The following CSMD1 variants were observed in gnomAD, a reference collection of about 807,000 sequenced individuals.
CSMD1 encodes CUB and Sushi multiple domains 1, also known as CUB and sushi domain-containing protein 1.
Under a neutral mutation model 417.5 loss-of-function variants are expected in CSMD1, and 213 were observed. The ratio of observed to expected loss-of-function variants is 0.51; its 90% CI spans 0.46 to 0.57. CSMD1 has a LOEUF of 0.57. Ranked by LOEUF, CSMD1 falls within the 20% of genes least tolerant of loss-of-function variation. The pLI is 0.00. For synonymous variants in CSMD1, 2,862 were observed against 1,736.8 expected (o/e 1.65, Z -16.11); for missense variants, 6,923 against 4,529.7 (o/e 1.53, Z -15.17).
intron 23 of CSMD1, among the ~76,000 whole-genome samples, chr8:3,323,714 C>T (rs998390276): frequency 8.6e-5 from 13 of 151,886 alleles, no homozygotes; most frequent in Non-Finnish European, 1.3e-4. Context: ...AAGAGGCCCA[C>T]ATCCAACCCC....
intron 1 of CSMD1, among the ~76,000 whole-genome samples, chr8:4,955,256 T>C (rs1444714233): frequency 1.3e-5 from 2 of 152,186 alleles, no homozygotes; most frequent in African/African-American, 4.8e-5. Context: ...TGAAACACAG[T>C]CATCCTTAAA....
chr8:4,841,782 A>C lies in CSMD1; in HGVS notation c.85+152550T>G, dbSNP rs572171997. Reference sequence around the variant, plus strand: ...AAAAATTAGCTGGGCGTGGTGGCACATGCCTGTAATCCTAGCTACTCGGGA... The same window carrying C: ...AAAAATTAGCTGGGCGTGGTGGCACCTGCCTGTAATCCTAGCTACTCGGGA... On this transcript the variant is annotated intron_variant, in intron 1 of 69. Coordinates refer to ENST00000635120, the MANE Select transcript of CSMD1 (RefSeq NM_033225.6). 5.9e-5 allele frequency among the ~76,000 whole-genome samples: 9 copies of C among 151,918 alleles called. No homozygotes were observed. The East Asian group carries it at 1.7e-3, about 30-fold the overall frequency.
chr8:4,560,676 T>C (rs1949911), intron 2 of CSMD1, among the ~76,000 whole-genome samples: 6,726 of 152,280 alleles, frequency 0.044, 432 homozygotes, highest in African/African-American at 0.15. Flanking sequence ...ACCTTAACTC[T>C]TTACAAGCAA....
chr8:4,061,179 C>T (rs533342063), intron 3 of CSMD1, among the ~76,000 whole-genome samples: 60 of 152,288 alleles, frequency 3.9e-4, no homozygotes, highest in Non-Finnish European at 7.6e-4. Flanking sequence ...AATCCCTCAG[C>T]TGCAGTTCTA....
chr8:4,204,945 C>A (rs1199029225), intron 3 of CSMD1, among the ~76,000 whole-genome samples: 1 of 152,130 alleles, frequency 6.6e-6, no homozygotes, highest in Non-Finnish European at 1.5e-5. Flanking sequence ...CAAATGTGAG[C>A]CACTGAATCT....
chr8:4,466,943 T>C (rs1800208754), intron 2 of CSMD1, among the ~76,000 whole-genome samples: 1 of 151,986 alleles, frequency 6.6e-6, no homozygotes, highest in Admixed American at 6.6e-5. Context: ...GAATTTCCTG[T>C]GAACATTTCT....
intron 3 of CSMD1, among the ~76,000 whole-genome samples, chr8:4,404,048 C>T (rs1466969032): frequency 6.6e-6 from 1 of 152,168 alleles, no homozygotes; most frequent in Non-Finnish European, 1.5e-5. Context: ...CCAGACTTAT[C>T]CAAAAACACT....
chr8:4,342,106 G>A (rs955045589), intron 3 of CSMD1, among the ~76,000 whole-genome samples: 3 of 151,984 alleles, frequency 2.0e-5, no homozygotes, highest in Non-Finnish European at 4.4e-5. Context: ...TGTTTCCATG[G>A]TAACTCCACA....
chr8:3,662,167 A>T (rs1316528199), intron 7 of CSMD1, among the ~76,000 whole-genome samples: 1 of 152,206 alleles, frequency 6.6e-6, no homozygotes, highest in East Asian at 1.9e-4. Context: ...ATAGCTCACC[A>T]AGGAAAAGGT....
rs577067688 is a variant in CSMD1, at chr8:4,647,360, G to C, written c.86-9802C>G. Reference sequence around the variant, plus strand: ...GCTACGTAGGTACGCGTGTGCCACGGCGGCCTGCTACGTAGGTACGCGTGT... The same window carrying C: ...GCTACGTAGGTACGCGTGTGCCACGCCGGCCTGCTACGTAGGTACGCGTGT... On this transcript the variant is annotated intron_variant, in intron 1 of 69. Transcript: ENST00000635120. 2.0e-5 allele frequency among the ~76,000 whole-genome samples: 3 copies of C among 151,520 alleles called. No homozygotes were observed. The East Asian group carries it at 5.9e-4, about 30-fold the overall frequency.
At position 4,371,118 on chromosome 8, in the gene CSMD1, C is replaced by T. The variant is rs200998060; in HGVS notation, c.415+48835G>A. Reference sequence around the variant, plus strand: ...CATTTTGTTTTTATGGTCTTTATTGCCCTTGAGAGTTTCACAGTAGAACAA... The same window carrying T: ...CATTTTGTTTTTATGGTCTTTATTGTCCTTGAGAGTTTCACAGTAGAACAA... On this transcript the variant is annotated intron_variant, in intron 3 of 69. Coordinates refer to ENST00000635120, the MANE Select transcript of CSMD1 (RefSeq NM_033225.6). Among the ~76,000 whole-genome samples the T allele has an allele frequency of 4.6e-5, 7 of 152,256 alleles. No individual in the cohort carries two copies. The East Asian group carries it at 1.4e-3, about 29-fold the overall frequency.
intron 1 of CSMD1, among the ~76,000 whole-genome samples, chr8:4,659,908 G>A (rs1458918758): frequency 6.6e-6 from 1 of 151,902 alleles, no homozygotes; most frequent in East Asian, 1.9e-4. Context: ...AAATGCATGT[G>A]ACATAATTCA....
intron 8 of CSMD1, among the ~76,000 whole-genome samples, chr8:3,588,905 A>T (rs1182141821): frequency 1.3e-5 from 2 of 152,140 alleles, no homozygotes; most frequent in African/African-American, 4.8e-5. Flanking sequence ...CACCCATGTA[A>T]CATATGGGCA....
intron 11 of CSMD1, among the ~76,000 whole-genome samples, chr8:3,481,154 C>CAAA (rs1221192557): frequency 1.2e-4 from 8 of 69,374 alleles, no homozygotes; most frequent in Admixed American, 5.5e-4. Flanking sequence ...GACTCCATCT[C>CAAA]AAAAAAAAAA....
At chr8:2,966,316 A>T (rs1437234862) in intron 58 of CSMD1, among the ~76,000 whole-genome samples, 1 of 152,146 alleles carries the variant, frequency 6.6e-6, no homozygotes, top group African/African-American at 2.4e-5. Flanking sequence ...CAAAGTCTGG[A>T]CTTTTTTGGT....
At chr8:3,181,613 A>T (rs1250502586) in intron 36 of CSMD1, among the ~76,000 whole-genome samples, 1 of 152,186 alleles carries the variant, frequency 6.6e-6, no homozygotes, top group Non-Finnish European at 1.5e-5. Context: ...CCCTGTGGAT[A>T]GTGATCTGAC....
At chr8:4,525,785 A>G (rs1190818602) in intron 2 of CSMD1, among the ~76,000 whole-genome samples, 2 of 152,272 alleles carry the variant, frequency 1.3e-5, no homozygotes, top group Non-Finnish European at 2.9e-5. Flanking sequence ...AGCATTCCAC[A>G]CAGGGACATG....
chr8:4,599,610 C>T (rs1329404763), intron 2 of CSMD1, among the ~76,000 whole-genome samples: 3 of 151,986 alleles, frequency 2.0e-5, no homozygotes, highest in Non-Finnish European at 2.9e-5. Context: ...TACTTTACCA[C>T]ACTTCTGTCC....
At chr8:3,489,659 G>T (rs2117283044) in intron 11 of CSMD1, among the ~76,000 whole-genome samples, 1 of 152,292 alleles carries the variant, frequency 6.6e-6, no homozygotes, top group Non-Finnish European at 1.5e-5. Context: ...ATTACAGAAG[G>T]AGTCCCTTCA....
Sources: gnomAD v4.1 joint callset for allele counts (sites outside exome capture counted in the v4.1 genomes callset) on GRCh38, gnomAD v4.1.1 for gene constraint, MANE v1.5 for transcripts, NCBI Gene and HGNC (gene_info 2026-07-23, HGNC 2026-07-21) for gene names.